BBS4: variants seen among roughly 807,000 people sequenced by gnomAD.
BBS4 encodes the protein Bardet-Biedl syndrome 4.
BBS4 carries 58 observed loss-of-function variants against 71.4 expected under a neutral mutation model. The ratio of observed to expected loss-of-function variants is 0.81; its 90% CI spans 0.66 to 1.01. BBS4 has a LOEUF of 1.01. BBS4 is among the 50% of genes least tolerant of loss of function. The pLI is 0.00. For missense variants in BBS4, 660 were observed against 607.9 expected, an observed-to-expected ratio of 1.09 and a Z score of -0.90; for synonymous variants, 228 against 216.8, an observed-to-expected ratio of 1.05 and a Z score of -0.46.
intron 9 of BBS4, 87 bp downstream of exon 9, chr15:72,728,081 T>C: frequency 1.1e-6 from 1 of 908,054 alleles, no homozygotes; most frequent in Non-Finnish European, 1.8e-6. Flanking sequence ...CATTCTGATA[T>C]TTATTTTATT....
chr15:72,733,332 T>C (rs1454196314), intron 12 of BBS4, among the ~76,000 whole-genome samples: 3 of 110,602 alleles, frequency 2.7e-5, no homozygotes, highest in Non-Finnish European at 3.9e-5. Flanking sequence ...CAGGGGTACA[T>C]GTGCATCCTG....
intron 2 of BBS4, among the ~76,000 whole-genome samples, chr15:72,699,482 G>A (rs1595910970): frequency 2.0e-5 from 3 of 152,084 alleles, no homozygotes; most frequent in African/African-American, 7.2e-5. Flanking sequence ...TTCAATGCTA[G>A]TAAATCTTTA....
At chr15:72,732,244 GC>G (rs1595948774) in intron 12 of BBS4, among the ~76,000 whole-genome samples, 1 of 152,072 alleles carries the variant, frequency 6.6e-6, no homozygotes, top group Non-Finnish European at 1.5e-5. Flanking sequence ...ACTATAATTG[GC>G]CCCTAGGTGA....
chr15:72,695,276 C>A, intron 2 of BBS4, 48 bp downstream of exon 2: 1 of 1,278,612 alleles, frequency 7.8e-7, no homozygotes, highest in Non-Finnish European at 1.1e-6. Flanking sequence ...AGACAGATTT[C>A]TCTTTTATTT....
chr15:72,701,823 A>C (rs2065174346), intron 2 of BBS4, among the ~76,000 whole-genome samples: 1 of 152,184 alleles, frequency 6.6e-6, no homozygotes, highest in African/African-American at 2.4e-5. Flanking sequence ...TAAAAAAAAT[A>C]ATAGAAAAGC....
chr15:72,691,401 C>T, intron 1 of BBS4, among the ~76,000 whole-genome samples: 1 of 152,106 alleles, frequency 6.6e-6, no homozygotes, highest in Non-Finnish European at 1.5e-5. Context: ...AACTTTGAAA[C>T]CTCCTAAATG....
rs1007591651 is a variant in BBS4 at position 72,729,752 on chromosome 15, C to T, written c.711+68C>T. The stretch of plus-strand genomic sequence containing the variant: ...CCACTGCTCCTAGAGGTGATCTGAC[C>T]CTGGAAAGCAAAGGAATAGCTTCTT... On this transcript the variant is annotated intron_variant, in intron 10 of 15. Coordinates refer to ENST00000268057, the MANE Select transcript of BBS4 (RefSeq NM_033028.5). 12 of 1,361,864 alleles carry T rather than the reference C, an allele frequency of 8.8e-6. No individual in the cohort carries two copies. In the East Asian group the frequency reaches 2.5e-4, roughly 29 times the overall value. The allele number at this position is 1,361,864 out of a possible 1,614,324, so 84.4% of individuals were successfully genotyped here. A position where few individuals can be genotyped will look rare whatever the true frequency, so the allele number is the denominator to read the frequency against.
At chr15:72,689,044 G>C (rs2064933824) in intron 1 of BBS4, among the ~76,000 whole-genome samples, 1 of 151,542 alleles carries the variant, frequency 6.6e-6, no homozygotes, top group African/African-American at 2.4e-5. Context: ...AAAAAAAAGA[G>C]AATGTTACGA....
chr15:72,705,818 C>G (rs1477281972), intron 2 of BBS4, among the ~76,000 whole-genome samples: 1 of 151,892 alleles, frequency 6.6e-6, no homozygotes, highest in Non-Finnish European at 1.5e-5. Context: ...GTGCTGGACT[C>G]AAGTGATCCG....
At chr15:72,703,090 C>T (rs1001404804) in intron 2 of BBS4, among the ~76,000 whole-genome samples, 2 of 151,944 alleles carry the variant, frequency 1.3e-5, no homozygotes, top group Non-Finnish European at 2.9e-5. Context: ...GGATTACAGG[C>T]GTGAGCCATC....
intron 1 of BBS4, among the ~76,000 whole-genome samples, chr15:72,690,818 A>G (rs1343550119): frequency 6.6e-6 from 1 of 152,140 alleles, no homozygotes; most frequent in African/African-American, 2.4e-5. Context: ...ACGAGTTAAC[A>G]TTTCCATGAG....
At chr15:72,707,515 T>C (rs2065286621) in intron 2 of BBS4, among the ~76,000 whole-genome samples, 1 of 152,128 alleles carries the variant, frequency 6.6e-6, no homozygotes, top group Non-Finnish European at 1.5e-5. Flanking sequence ...CTCCAACATA[T>C]TAAAATTCAC....
intron 1 of BBS4, among the ~76,000 whole-genome samples, chr15:72,694,722 T>C (rs2065044720): frequency 6.6e-6 from 1 of 152,210 alleles, no homozygotes; most frequent in African/African-American, 2.4e-5. Context: ...TGGTTTTCTA[T>C]GAGGTTATAG....
intron 2 of BBS4, chr15:72,697,865 A>G (rs2065103395): frequency 4.9e-6 from 2 of 411,402 alleles, no homozygotes; most frequent in African/African-American, 4.1e-5. Flanking sequence ...TTGTCCAAAT[A>G]TATCAGGACT....
intron 9 of BBS4, among the ~76,000 whole-genome samples, chr15:72,729,187 A>G (rs1281165504): frequency 5.9e-5 from 5 of 84,266 alleles, no homozygotes; most frequent in African/African-American, 1.8e-4. Context: ...TTTTTTTTTT[A>G]AAGTCAAGAG....
intron 3 of BBS4, among the ~76,000 whole-genome samples, chr15:72,711,158 T>C (rs1209590552): frequency 1.3e-5 from 2 of 150,810 alleles, no homozygotes; most frequent in East Asian, 2.0e-4. Context: ...TGAATCTTTT[T>C]TTTTTTGAGA....
intron 2 of BBS4, among the ~76,000 whole-genome samples, chr15:72,701,116 A>G (rs929114721): frequency 6.6e-6 from 1 of 152,148 alleles, no homozygotes. Flanking sequence ...CTTATTCCCT[A>G]CCAGTCATTA....
chr15:72,686,985 C>T (rs2064859162), intron 1 of BBS4: 1 of 202,076 alleles, frequency 4.9e-6, no homozygotes, highest in South Asian at 7.4e-5. Flanking sequence ...AAATAGCAGC[C>T]TTTGGCTGTT....
chr15:72,733,297 T>C (rs1263470652), intron 12 of BBS4, among the ~76,000 whole-genome samples: 3 of 151,906 alleles, frequency 2.0e-5, no homozygotes, highest in Non-Finnish European at 4.4e-5. Flanking sequence ...TCCTCTCTCT[T>C]TTTTTAAAAA....
Sources: gnomAD v4.1 joint callset for allele counts (sites outside exome capture counted in the v4.1 genomes callset) on GRCh38, gnomAD v4.1.1 for gene constraint, MANE v1.5 for transcripts, NCBI Gene and HGNC (gene_info 2026-07-23, HGNC 2026-07-21) for gene names.